Variants in KDM1B observed in about 807,000 individuals in gnomAD.
KDM1B encodes lysine-specific histone demethylase 2.
A neutral mutation model predicts 107.4 loss-of-function variants in KDM1B; 63 were observed. The observed-to-expected ratio is 0.59, with a 90% CI of 0.48 to 0.72. The LOEUF (loss-of-function observed/expected upper bound fraction) is 0.72. Ranked by LOEUF, KDM1B falls within the 30% of genes least tolerant of loss-of-function variation. The pLI is 0.00. For synonymous variants in KDM1B, 363 were observed against 363.9 expected (o/e 1.00, Z 0.03); for missense variants, 749 against 1,020.8 (o/e 0.73, Z 3.63).
rs1416694563 is a variant in KDM1B, at chr6:18,209,603, C to CT, written c.1866+1403dup. On this transcript the variant is annotated intron_variant, in intron 17 of 21. Transcript: ENST00000650836. The surrounding 1 kb of genome is among the most constrained non-coding windows in gnomAD (Gnocchi z 4.3). The stretch of plus-strand genomic sequence containing the variant: ...ATGCGTTCTTGTTGAATTGGCCTCG[C>CT]TTTTTTGTTTGTTTTTTTCAGAGAC... 6.6e-6 allele frequency among the ~76,000 whole-genome samples: 1 copy of CT among 152,122 alleles called. No homozygotes were observed. Among genetic ancestry groups the CT allele is most frequent in the Non-Finnish European group, 1.5e-5 (1 of 68,020 alleles).
At chr6:18,165,381 T>C (rs777550561) in intron 5 of KDM1B, among the ~76,000 whole-genome samples, 29 of 152,004 alleles carry the variant, frequency 1.9e-4, no homozygotes, top group Non-Finnish European at 3.5e-4. Flanking sequence ...CTGCCTGCCT[T>C]GGCCTCCCAA....
Position 18,221,897 on chromosome 6 carries a change from T to A in KDM1B, c.2386-12T>A, listed in dbSNP as rs1168131183. On this transcript the variant is annotated splice_polypyrimidine_tract_variant and intron_variant, in intron 21 of 21. Transcript: ENST00000650836. ...TATGCATGATCTCAAATTATGTAAT[T>A]ATGTTTTACAGGCAACAAACAGGCA... The A allele has an allele frequency of 6.3e-7, 1 of 1,587,362 alleles. No homozygotes were observed. The highest frequency in any genetic ancestry group is 1.8e-5 in the Admixed American group (1 of 56,500).
chr6:18,161,850 T>G (rs1784993937), intron 4 of KDM1B, among the ~76,000 whole-genome samples: 1 of 152,090 alleles, frequency 6.6e-6, no homozygotes, highest in African/African-American at 2.4e-5. Context: ...TGCCACCTCT[T>G]CCCATACGCA....
chr6:18,214,913 TAAAACAAAA>T lies in KDM1B; in HGVS notation c.2110-93_2110-85del. 1 of 1,342,110 alleles carries T rather than the reference TAAAACAAAA, an allele frequency of 7.5e-7. No homozygotes were observed. Among genetic ancestry groups the T allele is most frequent in the South Asian group, 1.4e-5 (1 of 72,534 alleles). 83.1% of individuals were successfully genotyped at this position (1,342,110 alleles called of 1,614,324 possible). A position where few individuals can be genotyped will look rare whatever the true frequency, so the allele number is the denominator to read the frequency against. On this transcript the variant is annotated intron_variant, in intron 19 of 21. Coordinates refer to ENST00000650836, the MANE Select transcript of KDM1B (RefSeq NM_001364614.2). The surrounding 1 kb of genome is among the most constrained non-coding windows in gnomAD (Gnocchi z 4.4). The stretch of plus-strand genomic sequence containing the variant: ...TGACAGAGCAAAACTCTGTCTCATT[TAAAACAAAA>T]CAAAACAAAAAACAAAAAAAAGAGG...
At chr6:18,220,629 G>A (rs1351252509) in intron 21 of KDM1B, among the ~76,000 whole-genome samples, 3 of 152,170 alleles carry the variant, frequency 2.0e-5, no homozygotes, top group Non-Finnish European at 4.4e-5. Context: ...TGTGGCAAGG[G>A]GATAAAGGCT....
intron 17 of KDM1B, among the ~76,000 whole-genome samples, chr6:18,210,343 T>TC: frequency 6.4e-5 from 1 of 15,670 alleles, no homozygotes; most frequent in Non-Finnish European, 1.1e-4. Context: ...CTTTCTTTTC[T>TC]TTTTTTTTTT....
chr6:18,170,818 CT>C (rs374065192), intron 6 of KDM1B, among the ~76,000 whole-genome samples: 8 of 147,148 alleles, frequency 5.4e-5, no homozygotes, highest in Non-Finnish European at 9.1e-5. Flanking sequence ...AAACCTTTCT[CT>C]TTTTTTTTTC....
intron 10 of KDM1B, among the ~76,000 whole-genome samples, chr6:18,192,291 C>A (rs1298042213): frequency 1.3e-5 from 2 of 152,124 alleles, no homozygotes; most frequent in African/African-American, 2.4e-5. Context: ...TCTCTTGACC[C>A]TAGCATTTTT....
In KDM1B at chr6:18,191,147, G is replaced by A. The variant is rs1787260138; in HGVS notation, c.785-50G>A. 2 of 1,513,396 alleles carry A rather than the reference G, an allele frequency of 1.3e-6. No homozygotes were observed. The highest frequency in any genetic ancestry group is 1.8e-6 in the Non-Finnish European group (2 of 1,119,800). 93.7% of individuals were successfully genotyped at this position (1,513,396 alleles called of 1,614,324 possible). On this transcript the variant is annotated intron_variant, in intron 9 of 21. Transcript: ENST00000650836. This position sits in a 1 kb window ranked among gnomAD's most constrained non-coding sequence, Gnocchi z 5.1. ...TTGCTTTTGCCCTTTAATTCTTCTG[G>A]ATTTGGAAGTTACAGCTTGTAGGAG...
chr6:18,193,388 C>A (rs1787426230), intron 10 of KDM1B, among the ~76,000 whole-genome samples: 1 of 147,856 alleles, frequency 6.8e-6, no homozygotes, highest in Admixed American at 6.9e-5. Flanking sequence ...ACTACAGCAG[C>A]CTCGCCTTCC....
Position 18,212,761 on chromosome 6 carries a change from A to C in KDM1B, c.1983+157A>C, listed in dbSNP as rs1276081625. ...TAATTGTTCGTGAAGAACACAGAAG[A>C]ATATTATCAAAACGAAAGGAGGAGA... On this transcript the variant is annotated intron_variant, in intron 18 of 21. Transcript: ENST00000650836. The surrounding 1 kb of genome is among the most constrained non-coding windows in gnomAD (Gnocchi z 5.2). Among the ~76,000 whole-genome samples the C allele has an allele frequency of 6.6e-6, 1 of 152,212 alleles. No individual in the cohort carries two copies. The highest frequency in any genetic ancestry group is 1.5e-5 in the Non-Finnish European group (1 of 68,034).
At chr6:18,218,737 T>C (rs1197831958) in intron 21 of KDM1B, among the ~76,000 whole-genome samples, 1 of 152,136 alleles carries the variant, frequency 6.6e-6, no homozygotes, top group East Asian at 1.9e-4. Context: ...TCATTTACAG[T>C]TGACACTGTC....
rs1027687773 is a variant in KDM1B at position 18,172,455 on chromosome 6, T to C, written c.534+976T>C. Among the ~76,000 whole-genome samples, 1 of 152,144 alleles carries C rather than the reference T, an allele frequency of 6.6e-6. No homozygotes were observed. Among genetic ancestry groups the C allele is most frequent in the African/African-American group, 2.4e-5 (1 of 41,432 alleles). ...AGCACCCTAGTCTGAAAATCTGAAATGTTCCAAAATCTGAAACTTTTTGAG... is the reference window on the plus strand; with the variant it reads ...AGCACCCTAGTCTGAAAATCTGAAACGTTCCAAAATCTGAAACTTTTTGAG... On this transcript the variant is annotated intron_variant, in intron 7 of 21. Transcript: ENST00000650836. This position sits in a 1 kb window ranked among gnomAD's most constrained non-coding sequence, Gnocchi z 5.2.
intron 10 of KDM1B, 143 bp from the exon 11 acceptor site, chr6:18,196,914 C>A (rs971784154): frequency 1.4e-6 from 1 of 728,252 alleles, no homozygotes; most frequent in Non-Finnish European, 2.3e-6. Flanking sequence ...GAGGACTGTA[C>A]CTGTTGGCCA....
intron 9 of KDM1B, among the ~76,000 whole-genome samples, chr6:18,189,069 C>T (rs1000486283): frequency 6.6e-6 from 1 of 152,114 alleles, no homozygotes; most frequent in Non-Finnish European, 1.5e-5. Flanking sequence ...CAGACATGAG[C>T]CAGTGCACCC....
At chr6:18,185,548 C>T (rs1786801394) in intron 7 of KDM1B, among the ~76,000 whole-genome samples, 1 of 152,098 alleles carries the variant, frequency 6.6e-6, no homozygotes, top group Non-Finnish European at 1.5e-5. Context: ...GTGATCCACC[C>T]ACCTTGACCT....
chr6:18,199,608 A>T (rs920447418), intron 12 of KDM1B, among the ~76,000 whole-genome samples: 2 of 152,110 alleles, frequency 1.3e-5, no homozygotes, highest in African/African-American at 4.8e-5. Context: ...TGCCACCAGC[A>T]TTAGAAATTT....
chr6:18,204,482 A>G lies in KDM1B; in HGVS notation c.1532-1055A>G, dbSNP rs1788244020. On this transcript the variant is annotated intron_variant, in intron 14 of 21. Transcript: ENST00000650836. The surrounding 1 kb of genome is among the most constrained non-coding windows in gnomAD (Gnocchi z 4.9). ...TGGTGAGACCCTATCTCAGGAAAAA[A>G]AAGAAAAAGAAAACACCACCAGAAA... 6.6e-6 allele frequency among the ~76,000 whole-genome samples: 1 copy of G among 152,150 alleles called. No individual in the cohort carries two copies. Among genetic ancestry groups the G allele is most frequent in the Non-Finnish European group, 1.5e-5 (1 of 68,032 alleles).
chr6:18,213,722 G>T lies in KDM1B; in HGVS notation c.2050G>T (p.Val684Phe). 6.2e-7 allele frequency: 1 copy of T among 1,613,872 alleles called. No individual in the cohort carries two copies. Among genetic ancestry groups the T allele is most frequent in the Non-Finnish European group, 8.5e-7 (1 of 1,179,876 alleles). The change falls in exon 19 of 22, where the codon GTT becomes TTT. Residue 684 changes from valine (V) to phenylalanine (F), a missense_variant. Val to Phe is a conservative substitution (Grantham distance 50). Transcript: ENST00000650836. This position sits in a 1 kb window ranked among gnomAD's most constrained non-coding sequence, Gnocchi z 5.9. ...ACAAGGGGCTGACTTTTTTGGTCAC[G>T]TTCCTCCCAGTGCCAGCAAGCGAGG... ...KVQGADFFGH[V>F]PPSASKRGLF... is the part of the protein sequence containing the mutation.
Sources: gnomAD v4.1 joint callset for allele counts (sites outside exome capture counted in the v4.1 genomes callset) on GRCh38, gnomAD v4.1.1 for gene constraint, Gnocchi (gnomAD v3.1) non-coding constraint, MANE v1.5 for transcripts, NCBI Gene and HGNC (gene_info 2026-07-23, HGNC 2026-07-21) for gene names.